Variants in TMEM232 observed in about 807,000 individuals in gnomAD.
TMEM232 encodes transmembrane protein 232.
A neutral mutation model predicts 78.8 loss-of-function variants in TMEM232; 80 were observed. That is an observed-to-expected ratio of 1.01 (90% CI 0.85 to 1.22). TMEM232 has a LOEUF of 1.22. TMEM232 is among the 50% of genes most tolerant of loss of function. TMEM232 has a pLI of 0.00. For missense variants in TMEM232, 881 were observed against 742.2 expected, an observed-to-expected ratio of 1.19 and a Z score of -2.17; for synonymous variants, 297 against 254.3, an observed-to-expected ratio of 1.17 and a Z score of -1.60.
intron 12 of TMEM232, among the ~76,000 whole-genome samples, chr5:110,435,982 G>A (rs1758389889): frequency 6.6e-6 from 1 of 151,968 alleles, no homozygotes; most frequent in South Asian, 2.1e-4. Flanking sequence ...TCCAAAGTGA[G>A]ATTGCTGGAT....
Position 110,420,542 on chromosome 5 carries a change from T to C in TMEM232, c.*38A>G. 5 of 1,305,182 alleles carry C rather than the reference T, an allele frequency of 3.8e-6. No individual in the cohort carries two copies. The highest frequency in any genetic ancestry group is 5.0e-6 in the Non-Finnish European group (5 of 996,294). The allele number at this position is 1,305,182 out of a possible 1,614,324, so 80.9% of individuals were successfully genotyped here. A position where few individuals can be genotyped will look rare whatever the true frequency, so the allele number is the denominator to read the frequency against. ...TTTCATCCTATGTATTTCTGCCATG[T>C]AGTCCTCAATTTTGGGAGGTGACAT... On this transcript the variant is annotated 3_prime_UTR_variant, in exon 14 of 14. Transcript: ENST00000455884.
At chr5:110,596,582 T>C (rs1219618683) in intron 10 of TMEM232, among the ~76,000 whole-genome samples, 6 of 152,140 alleles carry the variant, frequency 3.9e-5, no homozygotes, top group Admixed American at 3.9e-4. Context: ...TTTAGACCAA[T>C]ATCCTTGATG....
chr5:110,454,616 T>C (rs1222535197), intron 12 of TMEM232, among the ~76,000 whole-genome samples: 4 of 151,712 alleles, frequency 2.6e-5, no homozygotes, highest in South Asian at 4.2e-4. Flanking sequence ...CATGAAAAAT[T>C]AGAAAATATT....
chr5:110,407,559 T>C (rs1298566837), intron 2 of TMEM232, among the ~76,000 whole-genome samples: 1 of 152,144 alleles, frequency 6.6e-6, no homozygotes, highest in African/African-American at 2.4e-5. Flanking sequence ...AACGGGGAGA[T>C]AGACTGCAAT....
chr5:110,555,350 A>G (rs78847035), intron 11 of TMEM232, among the ~76,000 whole-genome samples: 1,982 of 152,216 alleles, frequency 0.013, 37 homozygotes, highest in African/African-American at 0.045. Context: ...ATTGATATCC[A>G]TTTTTATTGT....
chr5:110,698,914 G>T (rs536429576), intron 1 of TMEM232, among the ~76,000 whole-genome samples: 1 of 152,090 alleles, frequency 6.6e-6, no homozygotes, highest in Non-Finnish European at 1.5e-5. Flanking sequence ...CGATAAAATT[G>T]CTCCAAAGTT....
At chr5:110,623,665 C>T (rs1784065600) in intron 7 of TMEM232, among the ~76,000 whole-genome samples, 1 of 152,084 alleles carries the variant, frequency 6.6e-6, no homozygotes, top group East Asian at 1.9e-4. Flanking sequence ...CAGTCCAGCA[C>T]TGACTGAGTG....
chr5:110,647,135 T>C (rs1405443820), intron 2 of TMEM232, among the ~76,000 whole-genome samples: 1 of 151,902 alleles, frequency 6.6e-6, no homozygotes, highest in Non-Finnish European at 1.5e-5. Flanking sequence ...GCAAGCATTG[T>C]ATGTGTACAA....
At chr5:110,489,549 T>C (rs1764813208) in intron 12 of TMEM232, among the ~76,000 whole-genome samples, 1 of 151,944 alleles carries the variant, frequency 6.6e-6, no homozygotes, top group African/African-American at 2.4e-5. Flanking sequence ...AAAGATAACA[T>C]CACACGTAAT....
chr5:110,727,184 G>C (rs1798240723), upstream of TMEM232, among the ~76,000 whole-genome samples: 1 of 151,892 alleles, frequency 6.6e-6, no homozygotes, highest in Admixed American at 6.6e-5. Context: ...GTATGCAATA[G>C]AATTATCTAA....
intron 13 of TMEM232, among the ~76,000 whole-genome samples, chr5:110,422,850 C>T (rs1756819213): frequency 6.6e-6 from 1 of 151,902 alleles, no homozygotes; most frequent in Admixed American, 6.6e-5. Flanking sequence ...TATTTTTTTA[C>T]TTTATATACC....
At chr5:110,639,509 A>T (rs901395534) in intron 4 of TMEM232, among the ~76,000 whole-genome samples, 1 of 152,158 alleles carries the variant, frequency 6.6e-6, no homozygotes, top group Admixed American at 6.5e-5. Context: ...GTTCCCTCTC[A>T]TGTGCATGAG....
intron 12 of TMEM232, among the ~76,000 whole-genome samples, chr5:110,526,392 G>A (rs1185704105): frequency 6.6e-6 from 1 of 151,370 alleles, no homozygotes; most frequent in Non-Finnish European, 1.5e-5. Flanking sequence ...TAAAAAATGG[G>A]CAAAAAAAAT....
chr5:110,547,882 C>T (rs552598683), intron 11 of TMEM232, among the ~76,000 whole-genome samples: 13 of 151,070 alleles, frequency 8.6e-5, no homozygotes, highest in African/African-American at 3.2e-4. Flanking sequence ...CCTGTAGTCC[C>T]GGCTACTCAG....
At chr5:110,720,125 T>G (rs1797441645) in intron 1 of TMEM232, among the ~76,000 whole-genome samples, 1 of 151,640 alleles carries the variant, frequency 6.6e-6, no homozygotes, top group South Asian at 2.1e-4. Context: ...GATTTCAGAG[T>G]TTTTTCTTAC....
intron 2 of TMEM232, among the ~76,000 whole-genome samples, chr5:110,412,565 C>T (rs1252312792): frequency 7.8e-6 from 1 of 127,440 alleles, no homozygotes; most frequent in East Asian, 2.3e-4. Context: ...AATAGCCAAA[C>T]TCTTTTTTTT....
intron 2 of TMEM232, among the ~76,000 whole-genome samples, chr5:110,654,253 C>A (rs1162250621): frequency 1.3e-5 from 2 of 152,154 alleles, no homozygotes; most frequent in African/African-American, 4.8e-5. Flanking sequence ...AGGTCTCTTT[C>A]TAAGGATTTT....
At chr5:110,478,076 G>C (rs912847288) in intron 12 of TMEM232, among the ~76,000 whole-genome samples, 4 of 151,872 alleles carry the variant, frequency 2.6e-5, no homozygotes, top group African/African-American at 9.7e-5. Flanking sequence ...TCAGCCATAA[G>C]AATCTCTTGG....
intron 12 of TMEM232, among the ~76,000 whole-genome samples, chr5:110,526,125 G>A (rs562787692): frequency 1.0e-4 from 15 of 148,528 alleles, no homozygotes; most frequent in Non-Finnish European, 2.1e-4. Context: ...GTCACATTTT[G>A]TCAAATTCTG....
Sources: allele counts gnomAD v4.1 joint callset (sites outside exome capture counted in the v4.1 genomes callset), GRCh38; gene constraint gnomAD v4.1.1; transcripts MANE v1.5; gene names NCBI Gene and HGNC (gene_info 2026-07-23, HGNC 2026-07-21).